Variants in TRIM46 observed in about 807,000 individuals in gnomAD.
The protein encoded by TRIM46 is tripartite motif-containing protein 46.
Under a neutral mutation model 69.7 loss-of-function variants are expected in TRIM46, and 17 were observed. The observed-to-expected ratio is 0.24, with a 90% CI of 0.17 to 0.37. TRIM46 has a LOEUF of 0.37. Ranked by LOEUF, TRIM46 falls within the 10% of genes least tolerant of loss-of-function variation. The probability of loss-of-function intolerance (pLI) is 1.00; values close to 1 mark genes in which losing one functional copy is unlikely to be tolerated. For missense variants in TRIM46, 675 were observed against 1,025.1 expected, an observed-to-expected ratio of 0.66 and a Z score of 4.66; for synonymous variants, 391 against 429.0, an observed-to-expected ratio of 0.91 and a Z score of 1.09.
In TRIM46 at chr1:155,184,872, T is replaced by C. The variant is rs1473067803; in HGVS notation, c.*682T>C. 6.5e-6 allele frequency: 1 copy of C among 153,090 alleles called. No homozygotes were observed. The highest frequency in any genetic ancestry group is 1.5e-5 in the Non-Finnish European group (1 of 68,370). 9.5% of individuals were successfully genotyped at this position (153,090 alleles called of 1,614,324 possible). ...CCTCTGGTGCCCGCTGCCGTCCCCC[T>C]GCAGTGGGCTCTGCTAGGCCTGTGC... On this transcript the variant is annotated 3_prime_UTR_variant, in exon 10 of 10. Coordinates refer to ENST00000334634, the MANE Select transcript of TRIM46 (RefSeq NM_025058.5). This position sits in a 1 kb window ranked among gnomAD's most constrained non-coding sequence, Gnocchi z 5.6.
At position 155,182,026 on chromosome 1, in the gene TRIM46, C is replaced by T; in HGVS notation, c.1763C>T (p.Thr588Ile). The T allele has an allele frequency of 2.5e-6, 4 of 1,613,588 alleles. No individual in the cohort carries two copies. Among genetic ancestry groups the T allele is most frequent in the Non-Finnish European group, 3.4e-6 (4 of 1,179,820 alleles). ...GTGGTCCTGGGCGACGTGGCTGTGA[C>T]CCAGGGCCGCAGCTACTGGGCCTGC... The part of the protein sequence containing the change: ...VDVVLGDVAV[T>I]QGRSYWACAV... The change falls in exon 9 of 10, where the codon ACC (threonine) becomes ATC (isoleucine). Residue 588 changes from threonine to isoleucine, a missense_variant. Thr to Ile is a moderately conservative substitution (Grantham distance 89). Coordinates refer to ENST00000334634, the MANE Select transcript of TRIM46 (RefSeq NM_025058.5).
intron 9 of TRIM46, 112 bp downstream of exon 9, chr1:155,182,261 G>A: frequency 8.2e-7 from 1 of 1,217,502 alleles, no homozygotes; most frequent in Non-Finnish European, 1.1e-6. Flanking sequence ...GAGGGGATTA[G>A]GAGGAAGTAG....
chr1:155,180,781 A>AAG (rs1239864472), intron 8 of TRIM46, among the ~76,000 whole-genome samples: 1 of 145,314 alleles, frequency 6.9e-6, no homozygotes, highest in Non-Finnish European at 1.5e-5. Flanking sequence ...GTGGTGGCGC[A>AAG]TGCCTGTAAT....
intron 7 of TRIM46, 98 bp from the exon 8 acceptor site, chr1:155,179,534 C>T (rs1410109352): frequency 8.7e-7 from 1 of 1,146,364 alleles, no homozygotes; most frequent in African/African-American, 1.5e-5. Flanking sequence ...ACACTCACCC[C>T]CCCGGCTCCC....
In TRIM46 at chr1:155,179,746, G is replaced by A. The variant is rs763846627; in HGVS notation, c.1400G>A (p.Arg467Gln). The A allele has an allele frequency of 3.7e-6, 6 of 1,613,270 alleles. No homozygotes were observed. Among genetic ancestry groups the A allele is most frequent in the South Asian group, 1.1e-5 (1 of 91,086 alleles). Residue 467 changes from arginine to glutamine, a missense_variant, in exon 8 of 10, where the codon CGG (arginine) becomes CAG (glutamine). By Grantham distance (43) the Arg-to-Gln change is conservative (BLOSUM62 1). Around this residue, in one of 5 missense-constraint regions of TRIM46, gnomAD observed 361 missense variants for 498.3 expected, o/e 0.72. Coordinates refer to ENST00000334634, the MANE Select transcript of TRIM46 (RefSeq NM_025058.5). ...PPAWHYTVEF[R>Q]RTDVPAQPGP... The stretch of plus-strand genomic sequence containing the variant: ...GCCTGGCACTATACCGTTGAGTTCC[G>A]GCGCACGGATGTGCCTGCTCAGCCA...
At chr1:155,177,809 G>A (rs1245890875) in intron 5 of TRIM46, among the ~76,000 whole-genome samples, 193 bp from the exon 6 acceptor site, 1 of 152,220 alleles carries the variant, frequency 6.6e-6, no homozygotes, top group Non-Finnish European at 1.5e-5. Flanking sequence ...TGGCACAAAT[G>A]ACCAGGAGTT....
intron 3 of TRIM46, 43 bp from the exon 4 acceptor site, chr1:155,176,889 C>G (rs1665700589): frequency 6.2e-7 from 1 of 1,602,198 alleles, no homozygotes; most frequent in African/African-American, 1.3e-5. Flanking sequence ...GCACCCTTAC[C>G]CACACCATTG....
At chr1:155,177,936 C>G (rs967144857) in intron 5 of TRIM46, 66 bp from the exon 6 acceptor site, 4 of 1,572,670 alleles carry the variant, frequency 2.5e-6, no homozygotes, top group Non-Finnish European at 3.5e-6. Flanking sequence ...AGGAGGCCAG[C>G]ACAAGTGCTG....
intron 1 of TRIM46, chr1:155,174,438 G>T: frequency 1.1e-6 from 1 of 927,560 alleles, no homozygotes; most frequent in Non-Finnish European, 1.3e-6. Flanking sequence ...TTCCCAATTT[G>T]GACCCCTCCC....
chr1:155,177,990 C>T lies in TRIM46; in HGVS notation c.910-12C>T, dbSNP rs775581774. 4 of 1,610,576 alleles carry T rather than the reference C, an allele frequency of 2.5e-6. No homozygotes were observed. The highest frequency in any genetic ancestry group is 2.2e-5 in the South Asian group (2 of 90,870). ...TAAGTCACGCATCCTTTGGGTGTTG[C>T]TCCCTGGGCAGGTGAGTGGTCAGCA... On this transcript the variant is annotated splice_polypyrimidine_tract_variant and intron_variant, in intron 5 of 9. Coordinates refer to ENST00000334634, the MANE Select transcript of TRIM46 (RefSeq NM_025058.5).
Position 155,175,989 on chromosome 1 carries a change from G to C in TRIM46, c.427G>C (p.Gly143Arg), listed in dbSNP as rs1452362585. 1 of 1,613,566 alleles carries C rather than the reference G, an allele frequency of 6.2e-7. No homozygotes were observed. The highest frequency in any genetic ancestry group is 8.5e-7 in the Non-Finnish European group (1 of 1,179,666). ...AGGTGATGTGGAGCTTGGGGAGCGG[G>C]GTCTGGCAGGGCTTTTCCGGAACCT... ...CQGDVELGER[G>R]LAGLFRNLTL... is the part of the protein sequence containing the mutation. The change falls in exon 3 of 10, where the codon GGT becomes CGT. Residue 143 changes from glycine to arginine, a missense_variant. Gly to Arg is a moderately radical substitution (Grantham distance 125). Transcript: ENST00000334634. The surrounding 1 kb of genome is among the most constrained non-coding windows in gnomAD (Gnocchi z 4.2).
chr1:155,177,157 G>C, intron 4 of TRIM46, 38 bp from the exon 5 acceptor site: 1 of 1,614,022 alleles, frequency 6.2e-7, no homozygotes, highest in Non-Finnish European at 8.5e-7. Context: ...GGCTTCTGCA[G>C]AGCTGGGCTT....
Position 155,175,210 on chromosome 1 carries a change from A to C in TRIM46, c.64-176A>C, listed in dbSNP as rs1008293165. The C allele has an allele frequency of 8.1e-6, 12 of 1,475,192 alleles. No homozygotes were observed. The highest frequency in any genetic ancestry group is 1.4e-5 in the African/African-American group (1 of 70,486). 91.4% of individuals were successfully genotyped at this position (1,475,192 alleles called of 1,614,324 possible). A position where few individuals can be genotyped will look rare whatever the true frequency, so the allele number is the denominator to read the frequency against. ...GCTCTGCAGCGGGGAAAGAGAAGCA[A>C]GGGACAGAGGTCTGGGAAGGTCTGT... On this transcript the variant is annotated intron_variant, in intron 1 of 9. Coordinates refer to ENST00000334634, the MANE Select transcript of TRIM46 (RefSeq NM_025058.5). The surrounding 1 kb of genome is among the most constrained non-coding windows in gnomAD (Gnocchi z 4.2).
In TRIM46 at chr1:155,175,362, C is replaced by G. The variant is rs765408809; in HGVS notation, c.64-24C>G. The G allele has an allele frequency of 6.2e-7, 1 of 1,612,740 alleles. No homozygotes were observed. Among genetic ancestry groups the G allele is most frequent in the South Asian group, 1.1e-5 (1 of 90,984 alleles). ...GTATGCCTAAGTGTCCAAGCGCTGA[C>G]CTAGCCTCCTGGTCCCTCCACAGAC... On this transcript the variant is annotated intron_variant, in intron 1 of 9. Coordinates refer to ENST00000334634, the MANE Select transcript of TRIM46 (RefSeq NM_025058.5). The surrounding 1 kb of genome is among the most constrained non-coding windows in gnomAD (Gnocchi z 4.2).
chr1:155,174,593 T>G (rs921393830), intron 1 of TRIM46: 40 of 1,526,764 alleles, frequency 2.6e-5, no homozygotes, highest in African/African-American at 4.1e-5. Context: ...CTCCCTCCTT[T>G]GTGTCAGCTG....
In TRIM46 at chr1:155,176,175, G is replaced by C; in HGVS notation, c.613G>C (p.Gly205Arg). 1 of 1,612,778 alleles carries C rather than the reference G, an allele frequency of 6.2e-7. No homozygotes were observed. Among genetic ancestry groups the C allele is most frequent in the Non-Finnish European group, 8.5e-7 (1 of 1,179,958 alleles). The change falls in exon 3 of 10, where the codon GGC becomes CGC. Residue 205 changes from glycine to arginine, a missense_variant. Transcript: ENST00000334634. ...NECFKLFHPW[G>R]TQKAQHEPTL... ...GTGCTTCAAGCTCTTCCACCCCTGG[G>C]GCACCCAGAAGGCCCAGCATGAGCC...
Position 155,182,006 on chromosome 1 carries a change from C to A in TRIM46, c.1743C>A (p.Val581=). The part of the protein sequence containing the change: ...LTGCHLSVDV[V]LGDVAVTQGR... The stretch of plus-strand genomic sequence containing the variant: ...GCTGCCACCTGAGTGTGGATGTGGT[C>A]CTGGGCGACGTGGCTGTGACCCAGG... The change falls in exon 9 of 10, where the codon GTC becomes GTA. Residue 581 remains valine (V), a synonymous_variant. Transcript: ENST00000334634. 6.2e-7 allele frequency: 1 copy of A among 1,613,626 alleles called. No individual in the cohort carries two copies. The highest frequency in any genetic ancestry group is 8.5e-7 in the Non-Finnish European group (1 of 1,179,826).
chr1:155,182,289 G>A lies in TRIM46; in HGVS notation c.1886+140G>A, dbSNP rs1449485441. 1.0e-5 allele frequency: 10 copies of A among 1,004,616 alleles called. No homozygotes were observed. The South Asian group carries it at 1.3e-4, about 13-fold the overall frequency. The allele number at this position is 1,004,616 out of a possible 1,614,324, so 62.2% of individuals were successfully genotyped here. On this transcript the variant is annotated intron_variant, in intron 9 of 9. Transcript: ENST00000334634. The stretch of plus-strand genomic sequence containing the variant: ...GGAAGTAGTAGGAGCCTGGAAGCCA[G>A]GCTGGGAGGCCTGTGTCCAGGAGAC...
In TRIM46 at chr1:155,183,958, G is replaced by A; in HGVS notation, c.2048G>A (p.Cys683Tyr). 1 of 1,613,970 alleles carries A rather than the reference G, an allele frequency of 6.2e-7. No individual in the cohort carries two copies. Among genetic ancestry groups the A allele is most frequent in the South Asian group, 1.1e-5 (1 of 91,078 alleles). ...GGGAGGGATGGCCCCACAGCCGGCT[G>A]CACAGTGCCCCTGCCACCCCGCCTG... ...LTGRDGPTAG[C>Y]TVPLPPRLGI... The change falls in exon 10 of 10, where the codon TGC (cysteine) becomes TAC (tyrosine). Residue 683 changes from cysteine to tyrosine, a missense_variant. Cys to Tyr is a radical substitution (Grantham distance 194). Coordinates refer to ENST00000334634, the MANE Select transcript of TRIM46 (RefSeq NM_025058.5).
Sources: gnomAD v4.1 joint callset for allele counts (sites outside exome capture counted in the v4.1 genomes callset) on GRCh38, gnomAD v4.1.1 for gene constraint, gnomAD v4.1.1 regional missense constraint, Gnocchi (gnomAD v3.1) non-coding constraint, MANE v1.5 for transcripts, NCBI Gene and HGNC (gene_info 2026-07-23, HGNC 2026-07-21) for gene names.